MRPL45: variants seen among roughly 807,000 people sequenced by gnomAD.
The protein encoded by MRPL45 is large ribosomal subunit protein mL45.
MRPL45 carries 20 observed loss-of-function variants against 38.1 expected under a neutral mutation model. The ratio of observed to expected loss-of-function variants is 0.53; its 90% CI spans 0.37 to 0.76. MRPL45 has a LOEUF of 0.76. Among genes scored for constraint, MRPL45 ranks in the 30% least tolerant of loss-of-function variants. The probability of loss-of-function intolerance (pLI) is 0.00; values close to 1 mark genes in which losing one functional copy is unlikely to be tolerated. For synonymous variants in MRPL45, 105 were observed against 128.8 expected, an observed-to-expected ratio of 0.82 and a Z score of 1.25; for missense variants, 337 against 395.6, an observed-to-expected ratio of 0.85 and a Z score of 1.26.
intron 4 of MRPL45, among the ~76,000 whole-genome samples, chr17:38,313,654 T>C (rs2037147189): frequency 6.6e-6 from 1 of 151,418 alleles, no homozygotes; most frequent in African/African-American, 2.4e-5. Flanking sequence ...TACGTCTTCT[T>C]TGAAGAAAGG....
chr17:38,315,704 C>T (rs1744251891), intron 4 of MRPL45, among the ~76,000 whole-genome samples: 1 of 149,948 alleles, frequency 6.7e-6, no homozygotes, highest in African/African-American at 2.4e-5. Context: ...GAATGTCTTT[C>T]ATCAGATTTG....
intron 5 of MRPL45, 64 bp from the exon 6 acceptor site, chr17:38,320,554 G>C: frequency 6.4e-7 from 1 of 1,553,722 alleles, no homozygotes. Context: ...AGAGCAGTGT[G>C]GCAGCACCAG....
chr17:38,298,730 T>G (rs1270308276), intron 2 of MRPL45, 104 bp downstream of exon 2: 1 of 1,519,018 alleles, frequency 6.6e-7, no homozygotes, highest in African/African-American at 1.4e-5. Context: ...AAGCACGAAG[T>G]CAGTTCAACC....
intron 3 of MRPL45, among the ~76,000 whole-genome samples, chr17:38,303,893 AT>A (rs1388337799): frequency 4.6e-5 from 7 of 151,968 alleles, no homozygotes; most frequent in South Asian, 2.1e-4. Flanking sequence ...CGCCCAGCTA[AT>A]TTTTGTATTT....
At chr17:38,309,498 G>A (rs2037088522) in intron 4 of MRPL45, among the ~76,000 whole-genome samples, 1 of 145,704 alleles carries the variant, frequency 6.9e-6, no homozygotes, top group Non-Finnish European at 1.5e-5. Flanking sequence ...CTCAAGCCAC[G>A]ACAACAGAGC....
chr17:38,319,891 A>G (rs1483094671), intron 5 of MRPL45, among the ~76,000 whole-genome samples: 1 of 152,156 alleles, frequency 6.6e-6, no homozygotes, highest in East Asian at 1.9e-4. Context: ...TCACGAGGTC[A>G]GGAGATCAAG....
Position 38,317,876 on chromosome 17 carries a change from T to C in MRPL45, c.462-811T>C, listed in dbSNP as rs541076134. Among the ~76,000 whole-genome samples the C allele has an allele frequency of 1.8e-4, 28 of 152,024 alleles. No homozygotes were observed. In the South Asian group the frequency reaches 5.2e-3, roughly 28 times the overall value. On this transcript the variant is annotated intron_variant, in intron 4 of 7. Coordinates refer to ENST00000613675, the MANE Select transcript of MRPL45 (RefSeq NM_032351.6). ...GCATGAGCCACCATGCCCGGCTGTT[T>C]TGTGTTTTTTTAACCATTACTATAT...
intron 4 of MRPL45, among the ~76,000 whole-genome samples, chr17:38,315,165 C>T (rs772193847): frequency 1.0e-3 from 152 of 152,232 alleles, no homozygotes; most frequent in Non-Finnish European, 1.3e-3. Context: ...GTAAAACATA[C>T]ATGTTTTTTG....
In MRPL45 at chr17:38,299,423, T is replaced by G. The variant is rs2036969743; in HGVS notation, c.317T>G (p.Ile106Arg). ...TCATCTCTTTCAAAGGAGGGACTGA[T>G]AGAGAGAACTGAACGAATGAAGAAG... is the stretch of plus-strand genomic sequence containing the variant. ...RISSLSKEGL[I>R]ERTERMKKTM... The change falls in exon 3 of 8, where the codon ATA (isoleucine) becomes AGA (arginine). Residue 106 changes from isoleucine (I) to arginine (R), a missense_variant. Transcript: ENST00000613675. The G allele has an allele frequency of 6.2e-6, 10 of 1,612,532 alleles. No homozygotes were observed. The highest frequency in any genetic ancestry group is 8.5e-6 in the Non-Finnish European group (10 of 1,179,794).
intron 4 of MRPL45, among the ~76,000 whole-genome samples, chr17:38,310,016 G>C (rs921525584): frequency 4.0e-5 from 6 of 151,170 alleles, no homozygotes; most frequent in Admixed American, 4.0e-4. Context: ...GATATTCTCT[G>C]ATCTATCTTC....
chr17:38,318,339 G>T (rs948374651), intron 4 of MRPL45, among the ~76,000 whole-genome samples: 10 of 151,670 alleles, frequency 6.6e-5, no homozygotes, highest in Non-Finnish European at 1.2e-4. Flanking sequence ...CCAGCTTAGA[G>T]CAAAAATCAG....
Position 38,321,646 on chromosome 17 carries a change from G to A in MRPL45, c.661-480G>A, listed in dbSNP as rs557415650. On this transcript the variant is annotated intron_variant, in intron 6 of 7. Coordinates refer to ENST00000613675, the MANE Select transcript of MRPL45 (RefSeq NM_032351.6). ...GCGGAGGTTGCAGTGAGACGATACCGTACCACTGCACTCCAGCCTGGGCAA... is the reference window on the plus strand; with the variant it reads ...GCGGAGGTTGCAGTGAGACGATACCATACCACTGCACTCCAGCCTGGGCAA... 6.1e-4 allele frequency among the ~76,000 whole-genome samples: 92 copies of A among 150,992 alleles called. No homozygotes were observed. In the Middle Eastern group the frequency reaches 0.01, roughly 17 times the overall value.
At chr17:38,318,227 A>G (rs2037194060) in intron 4 of MRPL45, among the ~76,000 whole-genome samples, 1 of 150,918 alleles carries the variant, frequency 6.6e-6, no homozygotes, top group Non-Finnish European at 1.5e-5. Flanking sequence ...AAAAAAAAAA[A>G]AAGATATAAG....
At chr17:38,315,246 T>TA (rs1226512405) in intron 4 of MRPL45, among the ~76,000 whole-genome samples, 1 of 152,060 alleles carries the variant, frequency 6.6e-6, no homozygotes, top group African/African-American at 2.4e-5. Flanking sequence ...CCTTTAGCCT[T>TA]TGTTTGTTTC....
At chr17:38,304,280 C>A (rs147035492) in intron 3 of MRPL45, among the ~76,000 whole-genome samples, 2 of 152,126 alleles carry the variant, frequency 1.3e-5, no homozygotes, top group East Asian at 3.9e-4. Flanking sequence ...ACCAGCTGGG[C>A]AACACAGTGA....
At chr17:38,305,469 A>C (rs895323223) in intron 3 of MRPL45, among the ~76,000 whole-genome samples, 8 of 120,686 alleles carry the variant, frequency 6.6e-5, no homozygotes, top group African/African-American at 3.5e-4. Context: ...ACTCTGTCTC[A>C]AAAAAAAAAA....
chr17:38,316,383 A>G (rs553502091), intron 4 of MRPL45, among the ~76,000 whole-genome samples: 1 of 152,204 alleles, frequency 6.6e-6, no homozygotes, highest in East Asian at 1.9e-4. Context: ...CAATGTGTTC[A>G]CACATTGTTT....
At chr17:38,316,761 AAAAG>A (rs1447076261) in intron 4 of MRPL45, among the ~76,000 whole-genome samples, 10 of 148,406 alleles carry the variant, frequency 6.7e-5, no homozygotes, top group Admixed American at 1.3e-4. Context: ...AAAAAAAAAA[AAAAG>A]CAAAAGTGTA....
chr17:38,315,145 C>T (rs1164939469), intron 4 of MRPL45, among the ~76,000 whole-genome samples: 1 of 152,186 alleles, frequency 6.6e-6, no homozygotes, highest in East Asian at 1.9e-4. Context: ...GTTACTTTTC[C>T]TACATAGTAG....
Sources: allele counts gnomAD v4.1 joint callset (sites outside exome capture counted in the v4.1 genomes callset), GRCh38; gene constraint gnomAD v4.1.1; transcripts MANE v1.5; gene names NCBI Gene and HGNC (gene_info 2026-07-23, HGNC 2026-07-21).